The following EXOC6B variants were observed in gnomAD, a reference collection of about 807,000 sequenced individuals.
EXOC6B encodes the protein SEC15 homolog B.
Under a neutral mutation model 113.5 loss-of-function variants are expected in EXOC6B, and 54 were observed. The ratio of observed to expected loss-of-function variants is 0.48; its 90% CI spans 0.38 to 0.60. The LOEUF (loss-of-function observed/expected upper bound fraction) is 0.60, where lower values mean the gene tolerates loss of function less well. Among genes scored for constraint, EXOC6B ranks in the 20% least tolerant of loss-of-function variants. The pLI, the probability that EXOC6B is intolerant of heterozygous loss-of-function variation, is 0.00. For missense variants in EXOC6B, 797 were observed against 977.5 expected (o/e 0.82, Z 2.46); for synonymous variants, 357 against 339.0 (o/e 1.05, Z -0.58).
At chr2:72,215,336 T>C (rs1489528534) in intron 20 of EXOC6B, among the ~76,000 whole-genome samples, 1 of 152,212 alleles carries the variant, frequency 6.6e-6, no homozygotes, top group African/African-American at 2.4e-5. Flanking sequence ...TTTATCACTC[T>C]AGCGTCACCC....
At chr2:72,651,065 G>A (rs1343729235) in intron 6 of EXOC6B, among the ~76,000 whole-genome samples, 1 of 152,106 alleles carries the variant, frequency 6.6e-6, no homozygotes, top group Non-Finnish European at 1.5e-5. Flanking sequence ...GAATCAACCA[G>A]TCAATAACAG....
intron 11 of EXOC6B, among the ~76,000 whole-genome samples, chr2:72,503,733 T>C (rs1184567659): frequency 6.6e-6 from 1 of 152,152 alleles, no homozygotes; most frequent in Admixed American, 6.5e-5. Context: ...CTAGATTATA[T>C]AGTAAGACTA....
chr2:72,507,952 T>C (rs966735911), intron 11 of EXOC6B, among the ~76,000 whole-genome samples: 8 of 138,758 alleles, frequency 5.8e-5, no homozygotes, highest in African/African-American at 2.2e-4. Flanking sequence ...AACATTGCTT[T>C]AGAAAAAAAA....
intron 19 of EXOC6B, among the ~76,000 whole-genome samples, chr2:72,367,208 T>C (rs1690676714): frequency 1.3e-5 from 2 of 151,982 alleles, no homozygotes; most frequent in African/African-American, 4.8e-5. Context: ...TAATGCAAAA[T>C]GGCATAATAT....
At chr2:72,631,445 TATATATATATATATATAGAGAGAGAGAG>T (rs1281477416) in intron 6 of EXOC6B, among the ~76,000 whole-genome samples, 3 of 72,844 alleles carry the variant, frequency 4.1e-5, no homozygotes, top group African/African-American at 1.1e-4. Context: ...TATATATATA[TATATATATATATATATAGAGAGAGAGAG>T]AGAGAGAGAG....
At chr2:72,616,515 G>A (rs1029588387) in intron 6 of EXOC6B, among the ~76,000 whole-genome samples, 5 of 152,108 alleles carry the variant, frequency 3.3e-5, no homozygotes, top group Non-Finnish European at 5.9e-5. Context: ...GGCTGGGGAG[G>A]CTTCACATTC....
At chr2:72,784,030 G>A (rs1346054233) in intron 1 of EXOC6B, among the ~76,000 whole-genome samples, 1 of 152,122 alleles carries the variant, frequency 6.6e-6, no homozygotes, top group Non-Finnish European at 1.5e-5. Context: ...TTTGTAAACG[G>A]TGAGGGGGTC....
At chr2:72,284,189 T>C (rs1476991851) in intron 20 of EXOC6B, among the ~76,000 whole-genome samples, 1 of 152,042 alleles carries the variant, frequency 6.6e-6, no homozygotes, top group Non-Finnish European at 1.5e-5. Flanking sequence ...AAACTACATA[T>C]CAATATCACT....
chr2:72,393,150 A>G (rs1334683614), intron 18 of EXOC6B, among the ~76,000 whole-genome samples: 1 of 151,674 alleles, frequency 6.6e-6, no homozygotes, highest in Non-Finnish European at 1.5e-5. Flanking sequence ...GCTGGAGTGC[A>G]GTGGCATGAT....
chr2:72,811,457 G>C (rs975995677), intron 1 of EXOC6B, among the ~76,000 whole-genome samples: 1 of 152,160 alleles, frequency 6.6e-6, no homozygotes, highest in African/African-American at 2.4e-5. Context: ...TTCAAGCCTA[G>C]AAGGCTTCAT....
intron 1 of EXOC6B, among the ~76,000 whole-genome samples, chr2:72,812,949 G>A (rs909433564): frequency 2.6e-5 from 4 of 151,814 alleles, no homozygotes; most frequent in African/African-American, 4.8e-5. Context: ...TTTTAAGAGG[G>A]TAAAAAAACA....
chr2:72,269,295 G>A (rs1167223621), intron 20 of EXOC6B, among the ~76,000 whole-genome samples: 1 of 152,224 alleles, frequency 6.6e-6, no homozygotes, highest in South Asian at 2.1e-4. Context: ...TCTTAAAGGG[G>A]CCAGTCACTT....
At chr2:72,541,795 G>GT (rs559467374) in intron 8 of EXOC6B, among the ~76,000 whole-genome samples, 99 of 152,272 alleles carry the variant, frequency 6.5e-4, no homozygotes, top group African/African-American at 2.3e-3. Context: ...ATTACACCAG[G>GT]TGTTTTTACA....
At chr2:72,552,128 G>A (rs927991233) in intron 8 of EXOC6B, among the ~76,000 whole-genome samples, 27 of 152,140 alleles carry the variant, frequency 1.8e-4, no homozygotes, top group African/African-American at 6.0e-4. Context: ...GCCAAGTAAT[G>A]TTGGTACTGG....
chr2:72,334,216 G>A (rs1175492509), intron 20 of EXOC6B, among the ~76,000 whole-genome samples: 3 of 151,906 alleles, frequency 2.0e-5, no homozygotes, highest in Non-Finnish European at 2.9e-5. Flanking sequence ...CTAGGCCCCC[G>A]CTCACCCTGT....
At chr2:72,649,708 G>A (rs922288431) in intron 6 of EXOC6B, among the ~76,000 whole-genome samples, 5 of 152,082 alleles carry the variant, frequency 3.3e-5, no homozygotes, top group East Asian at 1.9e-4. Context: ...TCAAGACTGC[G>A]TGAAGGGACA....
intron 18 of EXOC6B, among the ~76,000 whole-genome samples, chr2:72,425,071 T>A (rs1695129872): frequency 6.6e-6 from 1 of 152,224 alleles, no homozygotes; most frequent in South Asian, 2.1e-4. Flanking sequence ...CTCCCACTTA[T>A]AAGTGAGAAC....
Position 72,253,987 on chromosome 2 carries a change from C to T in EXOC6B, c.2197-69800G>A, listed in dbSNP as rs377670094. ...CATCCTGGCTAACACGATGAGACCC[C>T]ATCTCTACTAAAAATATAAAAAATT... On this transcript the variant is annotated intron_variant, in intron 20 of 21. Transcript: ENST00000272427. Among the ~76,000 whole-genome samples the T allele has an allele frequency of 1.7e-4, 26 of 152,182 alleles. No homozygotes were observed. In the South Asian group the frequency reaches 5.4e-3, roughly 32 times the overall value.
At chr2:72,587,929 A>G (rs1705695105) in intron 6 of EXOC6B, among the ~76,000 whole-genome samples, 1 of 152,156 alleles carries the variant, frequency 6.6e-6, no homozygotes, top group African/African-American at 2.4e-5. Context: ...AAAAATATGA[A>G]CAGATGTCAA....
Sources: allele counts gnomAD v4.1 joint callset (sites outside exome capture counted in the v4.1 genomes callset), GRCh38; gene constraint gnomAD v4.1.1; transcripts MANE v1.5; gene names NCBI Gene and HGNC (gene_info 2026-07-23, HGNC 2026-07-21).